TAOK3: variants seen among roughly 807,000 people sequenced by gnomAD.
TAOK3 encodes TAO kinase 3.
Under a neutral mutation model 120.4 loss-of-function variants are expected in TAOK3, and 40 were observed. That is an observed-to-expected ratio of 0.33 (90% CI 0.26 to 0.43). TAOK3 has a LOEUF of 0.43. Ranked by LOEUF, TAOK3 falls within the 20% of genes least tolerant of loss-of-function variation. The pLI is 1.00. For synonymous variants in TAOK3, 355 were observed against 387.5 expected, an observed-to-expected ratio of 0.92 and a Z score of 0.99; for missense variants, 821 against 1,112.1, an observed-to-expected ratio of 0.74 and a Z score of 3.72.
chr12:118,218,061 C>T (rs2039026530), intron 9 of TAOK3, among the ~76,000 whole-genome samples: 1 of 150,764 alleles, frequency 6.6e-6, no homozygotes. Context: ...GGGGTTTCAC[C>T]ATATTAGCCA....
chr12:118,307,192 A>T (rs566023662), intron 1 of TAOK3, among the ~76,000 whole-genome samples: 2 of 152,168 alleles, frequency 1.3e-5, no homozygotes, highest in East Asian at 3.9e-4. Flanking sequence ...GTTTTTTACC[A>T]CTTTATGAAT....
chr12:118,337,599 A>G (rs1363667903), intron 1 of TAOK3, among the ~76,000 whole-genome samples: 1 of 152,246 alleles, frequency 6.6e-6, no homozygotes, highest in African/African-American at 2.4e-5. Flanking sequence ...GGTATTAACT[A>G]TTGACACACA....
At chr12:118,188,506 A>G (rs2139038988) in intron 14 of TAOK3, among the ~76,000 whole-genome samples, 1 of 152,370 alleles carries the variant, frequency 6.6e-6, no homozygotes, top group East Asian at 1.9e-4. Flanking sequence ...GGAACTTTAA[A>G]GTGGGCTTAT....
chr12:118,211,763 G>A (rs1023280545), intron 11 of TAOK3, among the ~76,000 whole-genome samples: 4 of 151,984 alleles, frequency 2.6e-5, no homozygotes, highest in Non-Finnish European at 5.9e-5. Context: ...TTATAGGCGT[G>A]AGCCACCATA....
At chr12:118,230,748 C>T (rs142478693) in intron 9 of TAOK3, among the ~76,000 whole-genome samples, 2,081 of 152,158 alleles carry the variant, frequency 0.014, 47 homozygotes, top group African/African-American at 0.047. Context: ...AGATTATAGG[C>T]GTGAGCCACC....
chr12:118,312,058 T>C (rs1318426872), intron 1 of TAOK3, among the ~76,000 whole-genome samples: 1 of 152,150 alleles, frequency 6.6e-6, no homozygotes, highest in Non-Finnish European at 1.5e-5. Context: ...AATAAAGTTT[T>C]TAAAAACTAG....
At chr12:118,305,972 G>A (rs1343551187) in intron 1 of TAOK3, among the ~76,000 whole-genome samples, 2 of 151,708 alleles carry the variant, frequency 1.3e-5, no homozygotes, top group Non-Finnish European at 2.9e-5. Context: ...GCTTTGGAGA[G>A]GTTAGTCTTC....
At chr12:118,361,787 A>T (rs1258267894) in intron 1 of TAOK3, among the ~76,000 whole-genome samples, 1 of 151,976 alleles carries the variant, frequency 6.6e-6, no homozygotes, top group East Asian at 1.9e-4. Context: ...TATTTTTAAA[A>T]TTTCAACTTT....
chr12:118,187,001 C>T (rs1008855250), intron 14 of TAOK3, among the ~76,000 whole-genome samples: 2 of 152,164 alleles, frequency 1.3e-5, no homozygotes, highest in African/African-American at 2.4e-5. Flanking sequence ...AGCACAAAGC[C>T]AGGCCTCTTT....
At chr12:118,158,309 C>G (rs1217217692) in intron 19 of TAOK3, among the ~76,000 whole-genome samples, 1 of 152,194 alleles carries the variant, frequency 6.6e-6, no homozygotes, top group African/African-American at 2.4e-5. Context: ...TCCATTCCTA[C>G]CAGCCACAAG....
At chr12:118,349,187 G>A (rs936896727) in intron 1 of TAOK3, among the ~76,000 whole-genome samples, 1 of 152,186 alleles carries the variant, frequency 6.6e-6, no homozygotes, top group Non-Finnish European at 1.5e-5. Flanking sequence ...CACCGCGCTG[G>A]CTGATTCAAA....
At chr12:118,299,624 C>G (rs1472289975) in intron 1 of TAOK3, among the ~76,000 whole-genome samples, 1 of 152,106 alleles carries the variant, frequency 6.6e-6, no homozygotes, top group African/African-American at 2.4e-5. Flanking sequence ...ATCCTCCTGT[C>G]TCGGCCTCCC....
intron 5 of TAOK3, 80 bp downstream of exon 5, chr12:118,243,335 T>C: frequency 1.3e-6 from 1 of 748,114 alleles, no homozygotes; most frequent in Non-Finnish European, 2.2e-6. Flanking sequence ...TTAGTAATTT[T>C]ACAGATCAAA....
rs532367549 is a variant in TAOK3 at position 118,369,687 on chromosome 12, C to G, written c.-194+2961G>C. On this transcript the variant is annotated intron_variant, in intron 1 of 20. Transcript: ENST00000392533. The stretch of plus-strand genomic sequence containing the variant: ...ATGAATATATGCCTGTTCTAAATAC[C>G]CTTTTGAGTTAACCGACCTTATTTT... Among the ~76,000 whole-genome samples the G allele has an allele frequency of 1.4e-4, 21 of 152,036 alleles. No homozygotes were observed. The East Asian group carries it at 1.9e-3, about 14-fold the overall frequency.
intron 14 of TAOK3, among the ~76,000 whole-genome samples, chr12:118,187,126 A>C (rs1253293982): frequency 6.6e-6 from 1 of 152,242 alleles, no homozygotes; most frequent in African/African-American, 2.4e-5. Flanking sequence ...CTAGTTATTG[A>C]AAAACTAATT....
intron 1 of TAOK3, among the ~76,000 whole-genome samples, chr12:118,321,499 ATCC>A (rs1406380626): frequency 2.6e-5 from 4 of 152,220 alleles, no homozygotes; most frequent in African/African-American, 7.2e-5. Flanking sequence ...GGCTCAAGCA[ATCC>A]TCCTACCTCG....
intron 5 of TAOK3, among the ~76,000 whole-genome samples, chr12:118,240,407 G>A (rs1565997759): frequency 6.6e-6 from 1 of 152,086 alleles, no homozygotes; most frequent in Non-Finnish European, 1.5e-5. Flanking sequence ...TCAAACTCCT[G>A]ACCTCAGGTG....
At chr12:118,354,044 T>C (rs1376396592) in intron 1 of TAOK3, among the ~76,000 whole-genome samples, 2 of 152,216 alleles carry the variant, frequency 1.3e-5, no homozygotes, top group African/African-American at 2.4e-5. Context: ...ATACAAGATA[T>C]GAACCCTAGA....
At chr12:118,291,348 A>G (rs2042471691) in intron 1 of TAOK3, among the ~76,000 whole-genome samples, 1 of 151,382 alleles carries the variant, frequency 6.6e-6, no homozygotes, top group African/African-American at 2.4e-5. Context: ...TTTAGCAGAG[A>G]CAGGGTTTTA....
Sources: allele counts gnomAD v4.1 joint callset (sites outside exome capture counted in the v4.1 genomes callset), GRCh38; gene constraint gnomAD v4.1.1; transcripts MANE v1.5; gene names NCBI Gene and HGNC (gene_info 2026-07-23, HGNC 2026-07-21).